The following ZFR variants were observed in gnomAD, a reference collection of about 807,000 sequenced individuals.
The protein encoded by ZFR is zinc finger RNA binding protein.
Under a neutral mutation model 130.7 loss-of-function variants are expected in ZFR, and 19 were observed. The ratio of observed to expected loss-of-function variants is 0.15; its 90% CI spans 0.10 to 0.21. The LOEUF is 0.21. Ranked by LOEUF, ZFR falls within the 10% of genes least tolerant of loss-of-function variation. The pLI is 1.00. For synonymous variants in ZFR, 466 were observed against 456.9 expected (o/e 1.02, Z -0.25); for missense variants, 872 against 1,321.5 (o/e 0.66, Z 5.27).
intron 5 of ZFR, among the ~76,000 whole-genome samples, chr5:32,409,982 G>GA (rs1753663352): frequency 6.6e-6 from 1 of 151,260 alleles, no homozygotes; most frequent in Admixed American, 6.6e-5. Context: ...CAAAGAAAAA[G>GA]AAAAAAAGAA....
At chr5:32,391,523 CTCTT>C (rs1289618480) in intron 11 of ZFR, among the ~76,000 whole-genome samples, 21 of 109,764 alleles carry the variant, frequency 1.9e-4, no homozygotes, top group South Asian at 3.4e-4. Context: ...GCGAAATCTA[CTCTT>C]TTTTTTTTTT....
chr5:32,444,686 G>C lies in ZFR; in HGVS notation c.-28C>G, dbSNP rs1001851565. On this transcript the variant is annotated 5_prime_UTR_variant, in exon 1 of 20. Coordinates refer to ENST00000265069, the MANE Select transcript of ZFR (RefSeq NM_016107.5). The stretch of plus-strand genomic sequence containing the variant: ...GCTCGGGCTGCTGCTGCTGAACTCT[G>C]AACTCTCACCCGCTGCCTCCCTCCT... 6.6e-7 allele frequency: 1 copy of C among 1,505,820 alleles called. No homozygotes were observed. Among genetic ancestry groups the C allele is most frequent in the Admixed American group, 2.3e-5 (1 of 43,674 alleles). 93.3% of individuals were successfully genotyped at this position (1,505,820 alleles called of 1,614,324 possible).
chr5:32,366,873 ATTTT>A (rs1181315628), intron 17 of ZFR, among the ~76,000 whole-genome samples: 5 of 144,380 alleles, frequency 3.5e-5, no homozygotes, highest in African/African-American at 1.0e-4. Context: ...GCTTTAAAAG[ATTTT>A]TTAATTTTTT....
Position 32,415,515 on chromosome 5 carries a change from T to TGTGTGTGC in ZFR, c.566-329_566-328insGCACACAC, listed in dbSNP as rs1326041688. Among the ~76,000 whole-genome samples the TGTGTGTGC allele has an allele frequency of 2.3e-3, 222 of 97,982 alleles. 2 individuals carry two copies. The highest frequency in any genetic ancestry group is 9.5e-3 in the South Asian group (32 of 3,368). The allele number at this position is 97,982 out of a possible 152,430, so 64.3% of individuals were successfully genotyped here. ...GTGTGTGTGTGTGTGTGTGTGTGTG[T>TGTGTGTGC]GCGCGCGCGCGCGCGCGCACTAGTC... On this transcript the variant is annotated intron_variant, in intron 4 of 19. Coordinates refer to ENST00000265069, the MANE Select transcript of ZFR (RefSeq NM_016107.5).
chr5:32,424,121 G>C (rs886186486), intron 2 of ZFR, among the ~76,000 whole-genome samples: 16 of 152,188 alleles, frequency 1.1e-4, no homozygotes, highest in African/African-American at 3.9e-4. Context: ...AGAGAGAAGT[G>C]AGTATAGATT....
At chr5:32,372,263 C>T (rs1752687871) in intron 17 of ZFR, among the ~76,000 whole-genome samples, 1 of 152,158 alleles carries the variant, frequency 6.6e-6, no homozygotes, top group Admixed American at 6.5e-5. Context: ...TTGTGTGGAA[C>T]ATAGCATGAA....
chr5:32,398,421 T>C (rs1753368212), intron 9 of ZFR, among the ~76,000 whole-genome samples: 1 of 152,210 alleles, frequency 6.6e-6, no homozygotes, highest in East Asian at 1.9e-4. Flanking sequence ...ACTTGAGTCT[T>C]ACTATGAAGT....
At chr5:32,370,310 G>GGAGAGAGAGAGA (rs769362722) in intron 17 of ZFR, among the ~76,000 whole-genome samples, 32 of 69,816 alleles carry the variant, frequency 4.6e-4, no homozygotes, top group East Asian at 3.5e-3. Context: ...TGTTGTGGGG[G>GGAGAGAGAGAGA]GAGAGAGAGA....
chr5:32,390,248 C>A (rs1753135670), intron 12 of ZFR, 27 bp downstream of exon 12: 2 of 1,599,688 alleles, frequency 1.3e-6, no homozygotes, highest in Non-Finnish European at 1.7e-6. Flanking sequence ...AACTTTCACC[C>A]CTTGTATCAC....
intron 17 of ZFR, 112 bp from the exon 18 acceptor site, chr5:32,364,387 A>T (rs781281175): frequency 9.5e-5 from 65 of 685,074 alleles, no homozygotes; most frequent in Non-Finnish European, 1.4e-4. Flanking sequence ...GCTACATAGA[A>T]CAAGTCACAA....
chr5:32,384,509 G>T (rs1480715373), intron 15 of ZFR, among the ~76,000 whole-genome samples: 4 of 152,086 alleles, frequency 2.6e-5, no homozygotes, highest in Non-Finnish European at 4.4e-5. Flanking sequence ...CAAATTTAAA[G>T]AAACAGTAAT....
chr5:32,369,418 A>C (rs550445791), intron 17 of ZFR, among the ~76,000 whole-genome samples: 1 of 152,186 alleles, frequency 6.6e-6, no homozygotes, highest in South Asian at 2.1e-4. Context: ...GGGCAGGAAG[A>C]ATAATTATAG....
chr5:32,354,744 CTAGAG>C lies in ZFR; in HGVS notation c.*1011_*1015del, dbSNP rs1752269845. 6.6e-6 allele frequency: 1 copy of C among 152,494 alleles called. No individual in the cohort carries two copies. The highest frequency in any genetic ancestry group is 1.5e-5 in the Non-Finnish European group (1 of 68,018). 9.4% of individuals were successfully genotyped at this position (152,494 alleles called of 1,614,324 possible). Reference sequence around the variant, plus strand: ...CATCTGTGTTATACTGTAATAGTTGCTAGAGTAATCTCACACACACCAATAAGGAA... The same window carrying C: ...CATCTGTGTTATACTGTAATAGTTGCTAATCTCACACACACCAATAAGGAA... On this transcript the variant is annotated 3_prime_UTR_variant, in exon 20 of 20. Transcript: ENST00000265069.
chr5:32,409,623 C>T (rs10035667), intron 5 of ZFR, among the ~76,000 whole-genome samples: 3,956 of 152,156 alleles, frequency 0.026, 183 homozygotes, highest in African/African-American at 0.092. Flanking sequence ...CCAGGGTGGT[C>T]TGAAACTCCT....
At chr5:32,442,474 CT>C (rs756402962) in intron 2 of ZFR, among the ~76,000 whole-genome samples, 8 of 152,250 alleles carry the variant, frequency 5.3e-5, no homozygotes, top group South Asian at 2.1e-4. Flanking sequence ...GTAGCTGAAA[CT>C]TTTTTTGTCT....
chr5:32,418,579 GC>G (rs1167542485), intron 3 of ZFR, among the ~76,000 whole-genome samples: 1 of 152,102 alleles, frequency 6.6e-6, no homozygotes, highest in African/African-American at 2.4e-5. Context: ...AGCAGGTAGG[GC>G]CCAGAAAACA....
At chr5:32,426,222 A>T (rs1489889747) in intron 2 of ZFR, among the ~76,000 whole-genome samples, 1 of 152,150 alleles carries the variant, frequency 6.6e-6, no homozygotes, top group East Asian at 1.9e-4. Flanking sequence ...ATGTGCTCTT[A>T]ACCATCACAT....
intron 2 of ZFR, among the ~76,000 whole-genome samples, chr5:32,424,730 T>C (rs1366688135): frequency 6.6e-6 from 1 of 152,108 alleles, no homozygotes; most frequent in African/African-American, 2.4e-5. Flanking sequence ...TGGAACACAT[T>C]AGAAATCATA....
At chr5:32,435,642 T>C (rs1275356388) in intron 2 of ZFR, among the ~76,000 whole-genome samples, 1 of 152,236 alleles carries the variant, frequency 6.6e-6, no homozygotes, top group Non-Finnish European at 1.5e-5. Context: ...TAAACAGTTT[T>C]ATTGTTTTTC....
Sources: gnomAD v4.1 joint callset for allele counts (sites outside exome capture counted in the v4.1 genomes callset) on GRCh38, gnomAD v4.1.1 for gene constraint, MANE v1.5 for transcripts, NCBI Gene and HGNC (gene_info 2026-07-23, HGNC 2026-07-21) for gene names.